The following STRBP variants were observed in gnomAD, a reference collection of about 807,000 sequenced individuals.
STRBP encodes spermatid perinuclear RNA-binding protein.
A neutral mutation model predicts 80.1 loss-of-function variants in STRBP; 13 were observed. The observed-to-expected ratio is 0.16, with a 90% CI of 0.11 to 0.26. STRBP has a LOEUF of 0.26. STRBP is among the 10% of genes least tolerant of loss of function. The pLI is 1.00. For missense variants in STRBP, 485 were observed against 815.2 expected, an observed-to-expected ratio of 0.59 and a Z score of 4.93; for synonymous variants, 284 against 291.2, an observed-to-expected ratio of 0.98 and a Z score of 0.25.
intron 6 of STRBP, among the ~76,000 whole-genome samples, chr9:123,163,364 T>C (rs2037608363): frequency 6.6e-6 from 1 of 152,224 alleles, no homozygotes. Flanking sequence ...ACTCTTATTT[T>C]AGAAAACTGA....
intron 1 of STRBP, among the ~76,000 whole-genome samples, chr9:123,251,207 T>TC (rs2040908765): frequency 6.6e-6 from 1 of 152,124 alleles, no homozygotes. Context: ...TTCTTTTCTT[T>TC]CTTTCTTTTC....
rs575666440 is a variant in STRBP, at chr9:123,180,655, C to G, written c.4-1428G>C. Among the ~76,000 whole-genome samples, 151 of 152,138 alleles carry G rather than the reference C, an allele frequency of 9.9e-4. 1 individual carries two copies. Among genetic ancestry groups the G allele is most frequent in the African/African-American group, 3.2e-3 (134 of 41,484 alleles). ...TCAGATCAGTGGAACAGACCAGAAC[C>G]CAGAAAATGAATGAATTTCATGAAA... On this transcript the variant is annotated intron_variant, in intron 3 of 18. Coordinates refer to ENST00000348403, the MANE Select transcript of STRBP (RefSeq NM_018387.5).
chr9:123,159,405 C>T (rs529377869), intron 8 of STRBP, among the ~76,000 whole-genome samples, 198 bp from the exon 9 acceptor site: 3 of 152,108 alleles, frequency 2.0e-5, no homozygotes, highest in South Asian at 2.1e-4. Flanking sequence ...ATTTTAAGAT[C>T]GTATCTTCAG....
downstream of STRBP, among the ~76,000 whole-genome samples, chr9:123,118,405 C>T (rs1374479649): frequency 6.6e-6 from 1 of 152,204 alleles, no homozygotes; most frequent in Non-Finnish European, 1.5e-5. Context: ...ACTGCCTGGG[C>T]AAACAGTGGC....
chr9:123,175,740 T>C (rs2038191791), intron 4 of STRBP, among the ~76,000 whole-genome samples: 1 of 152,186 alleles, frequency 6.6e-6, no homozygotes, highest in South Asian at 2.1e-4. Flanking sequence ...AACCAGTTTC[T>C]TCAGGCTTTT....
At chr9:123,203,285 G>A (rs1251495567) in intron 2 of STRBP, among the ~76,000 whole-genome samples, 1 of 151,574 alleles carries the variant, frequency 6.6e-6, no homozygotes, top group Non-Finnish European at 1.5e-5. Context: ...GTTTGAGGCT[G>A]CCGTGAGCTA....
chr9:123,235,584 C>CAAAAA lies in STRBP; in HGVS notation c.-165+1241_-165+1245dup, dbSNP rs71390421. Among the ~76,000 whole-genome samples the CAAAAA allele has an allele frequency of 1.0e-3, 38 of 36,526 alleles. 2 individuals are homozygous for CAAAAA. Among genetic ancestry groups the CAAAAA allele is most frequent in the East Asian group, 2.0e-3 (3 of 1,492 alleles). The allele number at this position is 36,526 out of a possible 152,430, so 24.0% of individuals were successfully genotyped here. A position where few individuals can be genotyped will look rare whatever the true frequency, so the allele number is the denominator to read the frequency against. ...AATCTGGATGAAGAGACAAGTTCAG[C>CAAAAA]AAAAAAAAAAAAAAAAAAAAAAAAA... On this transcript the variant is annotated intron_variant, in intron 2 of 18. Coordinates refer to ENST00000348403, the MANE Select transcript of STRBP (RefSeq NM_018387.5).
chr9:123,232,362 C>T (rs1013302998), intron 2 of STRBP, among the ~76,000 whole-genome samples: 1 of 152,148 alleles, frequency 6.6e-6, no homozygotes, highest in African/African-American at 2.4e-5. Flanking sequence ...AGGAAGCTGA[C>T]CCTGCCCCTA....
In STRBP at chr9:123,122,513, TGAGA is replaced by T. The variant is rs2035764489; in HGVS notation, c.*3080_*3083del. 8.4e-7 allele frequency: 1 copy of T among 1,183,704 alleles called. No individual in the cohort carries two copies. The highest frequency in any genetic ancestry group is 1.1e-6 in the Non-Finnish European group (1 of 944,424). 73.3% of individuals were successfully genotyped at this position (1,183,704 alleles called of 1,614,324 possible). ...TGGTTTGTTCCCCAGGCTAACAATT[TGAGA>T]GAGACTACAAACGACTTCAGAACTA... On this transcript the variant is annotated 3_prime_UTR_variant, in exon 19 of 19. Coordinates refer to ENST00000348403, the MANE Select transcript of STRBP (RefSeq NM_018387.5).
At chr9:123,214,153 C>CAT (rs1234486898) in intron 2 of STRBP, among the ~76,000 whole-genome samples, 1 of 150,158 alleles carries the variant, frequency 6.7e-6, no homozygotes, top group Non-Finnish European at 1.5e-5. Flanking sequence ...TATACACACA[C>CAT]ACACACACAC....
intron 2 of STRBP, among the ~76,000 whole-genome samples, chr9:123,217,617 C>T (rs78782385): frequency 0.014 from 2,155 of 152,272 alleles, 53 homozygotes; most frequent in African/African-American, 0.049. Context: ...TCATTCTAAT[C>T]AATGCAAACA....
chr9:123,124,526 G>A lies in STRBP; in HGVS notation c.*1071C>T. On this transcript the variant is annotated 3_prime_UTR_variant, in exon 19 of 19. Transcript: ENST00000348403. ...CACAGCAGCACTCAACAAGAACTGG[G>A]ACAATCGAAGAGCAAGTTTTTATGG... 9 of 985,368 alleles carry A rather than the reference G, an allele frequency of 9.1e-6. No individual in the cohort carries two copies. The highest frequency in any genetic ancestry group is 1.1e-5 in the Non-Finnish European group (9 of 829,918). The allele number at this position is 985,368 out of a possible 1,614,324, so 61.0% of individuals were successfully genotyped here. A position where few individuals can be genotyped will look rare whatever the true frequency, so the allele number is the denominator to read the frequency against.
chr9:123,164,033 T>C (rs115553915), intron 6 of STRBP, among the ~76,000 whole-genome samples: 399 of 152,032 alleles, frequency 2.6e-3, no homozygotes, highest in African/African-American at 8.5e-3. Context: ...CATTTTTTTG[T>C]TTGCTTGTTT....
intron 2 of STRBP, among the ~76,000 whole-genome samples, chr9:123,200,343 T>C (rs1276664840): frequency 6.6e-6 from 1 of 152,188 alleles, no homozygotes; most frequent in East Asian, 1.9e-4. Flanking sequence ...GATTTTTGCA[T>C]CTATGTTCAT....
At chr9:123,130,215 A>G (rs988126130) in intron 17 of STRBP, among the ~76,000 whole-genome samples, 2 of 152,198 alleles carry the variant, frequency 1.3e-5, no homozygotes, top group Non-Finnish European at 2.9e-5. Flanking sequence ...CTGAGTTGCC[A>G]GGGGAATTTA....
intron 2 of STRBP, among the ~76,000 whole-genome samples, chr9:123,216,786 G>C (rs916576602): frequency 1.3e-5 from 2 of 152,154 alleles, no homozygotes; most frequent in African/African-American, 2.4e-5. Context: ...ATGTTCCATA[G>C]AGTGTACAGG....
chr9:123,179,603 C>T (rs2038368472), intron 3 of STRBP, among the ~76,000 whole-genome samples: 1 of 152,154 alleles, frequency 6.6e-6, no homozygotes, highest in East Asian at 1.9e-4. Context: ...TGGTAAAACC[C>T]CGTCTCTACT....
chr9:123,145,100 AAAGT>A (rs1191155927), intron 13 of STRBP, among the ~76,000 whole-genome samples: 1 of 152,210 alleles, frequency 6.6e-6, no homozygotes, highest in Non-Finnish European at 1.5e-5. Context: ...AAGGTAAATA[AAAGT>A]AAGAAGGTCA....
At chr9:123,149,183 T>C (rs1388398569) in intron 11 of STRBP, among the ~76,000 whole-genome samples, 3 of 152,222 alleles carry the variant, frequency 2.0e-5, no homozygotes, top group African/African-American at 4.8e-5. Context: ...ACTATGTATT[T>C]TCTGATCAAG....
Sources: gnomAD v4.1 joint callset for allele counts (sites outside exome capture counted in the v4.1 genomes callset) on GRCh38, gnomAD v4.1.1 for gene constraint, MANE v1.5 for transcripts, NCBI Gene and HGNC (gene_info 2026-07-23, HGNC 2026-07-21) for gene names.